AGAP1: variants seen among roughly 807,000 people sequenced by gnomAD.
AGAP1 encodes arf-GAP with GTPase, ANK repeat and PH domain-containing protein 1.
A neutral mutation model predicts 105.3 loss-of-function variants in AGAP1; 29 were observed. That is an observed-to-expected ratio of 0.28 (90% confidence interval 0.21 to 0.38). The LOEUF (loss-of-function observed/expected upper bound fraction) is 0.38, where lower values mean the gene tolerates loss of function less well. Ranked by LOEUF, AGAP1 falls within the 10% of genes least tolerant of loss-of-function variation. The probability of loss-of-function intolerance (pLI) is 1.00; values close to 1 mark genes in which losing one functional copy is unlikely to be tolerated. For synonymous variants in AGAP1, 509 were observed against 485.9 expected (o/e 1.05, Z -0.63); for missense variants, 998 against 1,165.1 (o/e 0.86, Z 2.09).
chr2:235,567,714 G>T (rs1391184483), intron 1 of AGAP1, among the ~76,000 whole-genome samples: 1 of 150,380 alleles, frequency 6.6e-6, no homozygotes, highest in African/African-American at 2.5e-5. Flanking sequence ...GCATCTGATG[G>T]TGGTGGCCAG....
At chr2:235,627,032 C>A (rs1056283690) in intron 1 of AGAP1, among the ~76,000 whole-genome samples, 7 of 152,044 alleles carry the variant, frequency 4.6e-5, no homozygotes, top group Non-Finnish European at 8.8e-5. Flanking sequence ...AAGTTTGAAA[C>A]CCAACTGTCT....
chr2:235,583,922 C>CTT (rs1945017361), intron 1 of AGAP1, among the ~76,000 whole-genome samples: 1 of 149,926 alleles, frequency 6.7e-6, no homozygotes, highest in African/African-American at 2.4e-5. Context: ...CCAGGCTGGT[C>CTT]TTTGAACTCC....
intron 9 of AGAP1, among the ~76,000 whole-genome samples, chr2:235,833,547 C>T (rs1959719652): frequency 6.6e-6 from 1 of 151,546 alleles, no homozygotes; most frequent in South Asian, 2.1e-4. Flanking sequence ...ACCCCGCCCC[C>T]TCCTCAGAGT....
Position 235,936,098 on chromosome 2 carries a change from C to A in AGAP1, c.1483+5175C>A, listed in dbSNP as rs2052974985. Among the ~76,000 whole-genome samples, 1 of 152,230 alleles carries A rather than the reference C, an allele frequency of 6.6e-6. No individual in the cohort carries two copies. The highest frequency in any genetic ancestry group is 1.5e-5 in the Non-Finnish European group (1 of 68,046). On this transcript the variant is annotated intron_variant, in intron 12 of 17. Coordinates refer to ENST00000304032, the MANE Select transcript of AGAP1 (RefSeq NM_001037131.3). This position sits in a 1 kb window ranked among gnomAD's most constrained non-coding sequence, Gnocchi z 4.7. Reference sequence around the variant, plus strand: ...TCAGGTTCTTCTGATAGCTCCACCCCATCCCCGATTGCTTCAGTCCAACAG... The same window carrying A: ...TCAGGTTCTTCTGATAGCTCCACCCAATCCCCGATTGCTTCAGTCCAACAG...
chr2:236,130,833 G>A lies in AGAP1; in HGVS notation c.*6711G>A, dbSNP rs1361394492. 1.3e-5 allele frequency: 2 copies of A among 152,340 alleles called. No homozygotes were observed. The highest frequency in any genetic ancestry group is 2.9e-5 in the Non-Finnish European group (2 of 68,198). 9.4% of individuals were successfully genotyped at this position (152,340 alleles called of 1,614,324 possible). On this transcript the variant is annotated 3_prime_UTR_variant, in exon 18 of 18. Coordinates refer to ENST00000304032, the MANE Select transcript of AGAP1 (RefSeq NM_001037131.3). This position sits in a 1 kb window ranked among gnomAD's most constrained non-coding sequence, Gnocchi z 5.8. ...AACAGAGAAGGCTCCAAGGGTGTTG[G>A]GAGTGAGCCAGGGGCTGGTCTGGGG...
Position 235,927,477 on chromosome 2 carries a change from T to G in AGAP1, c.1325-3288T>G, listed in dbSNP as rs1417436804. 6.6e-6 allele frequency among the ~76,000 whole-genome samples: 1 copy of G among 152,212 alleles called. No homozygotes were observed. The highest frequency in any genetic ancestry group is 1.5e-5 in the Non-Finnish European group (1 of 68,028). ...TTCACAGCAGAGTCCTGTTGTTTCCTAGTGTGTAGGCTTGAAGGAATCTCT... is the reference window on the plus strand; with the variant it reads ...TTCACAGCAGAGTCCTGTTGTTTCCGAGTGTGTAGGCTTGAAGGAATCTCT... On this transcript the variant is annotated intron_variant, in intron 11 of 17. Transcript: ENST00000304032. This position sits in a 1 kb window ranked among gnomAD's most constrained non-coding sequence, Gnocchi z 4.4.
chr2:235,938,705 C>T (rs1375808702), intron 12 of AGAP1, among the ~76,000 whole-genome samples: 1 of 152,038 alleles, frequency 6.6e-6, no homozygotes. Flanking sequence ...CACTGGGCTC[C>T]GAGGATCCTT....
chr2:235,694,434 G>A (rs945454236), intron 1 of AGAP1, among the ~76,000 whole-genome samples: 1 of 148,232 alleles, frequency 6.7e-6, no homozygotes, highest in Non-Finnish European at 1.5e-5. Context: ...AGCCGAGATC[G>A]CACCACTGCA....
chr2:235,702,934 G>GTTGTTTTTTTTTTTTTTTTTTTT (rs1950325980), intron 1 of AGAP1, among the ~76,000 whole-genome samples: 1 of 88,946 alleles, frequency 1.1e-5, no homozygotes, highest in Non-Finnish European at 2.2e-5. Context: ...AGTTTTCTTG[G>GTTGTTTTTTTTTTTTTTTTTTTT]TTTTTTTTTT....
chr2:235,807,166 T>G, intron 8 of AGAP1, 73 bp from the exon 9 acceptor site: 1 of 1,475,254 alleles, frequency 6.8e-7, no homozygotes, highest in East Asian at 2.3e-5. Flanking sequence ...GCAGGAATTC[T>G]GCAAACAGGG....
intron 1 of AGAP1, among the ~76,000 whole-genome samples, chr2:235,683,104 C>T (rs869044569): frequency 9.9e-5 from 15 of 152,168 alleles, no homozygotes; most frequent in African/African-American, 1.9e-4. Context: ...GCCAGGAGTT[C>T]GAGACCACCT....
chr2:235,625,662 T>C lies in AGAP1; in HGVS notation c.164-83517T>C, dbSNP rs768732331. Among the ~76,000 whole-genome samples the C allele has an allele frequency of 1.3e-5, 2 of 152,232 alleles. No homozygotes were observed. Among genetic ancestry groups the C allele is most frequent in the Non-Finnish European group, 2.9e-5 (2 of 68,042 alleles). ...GTTTCAGGGATCTTTGTGCAACTTT[T>C]CTAAATACAGAGTTGGTTGTGACAT... is the stretch of plus-strand genomic sequence containing the variant. On this transcript the variant is annotated intron_variant, in intron 1 of 17. Transcript: ENST00000304032. This position sits in a 1 kb window ranked among gnomAD's most constrained non-coding sequence, Gnocchi z 4.0.
chr2:236,074,157 G>A (rs186277218), intron 16 of AGAP1, among the ~76,000 whole-genome samples: 3 of 152,158 alleles, frequency 2.0e-5, no homozygotes, highest in African/African-American at 7.2e-5. Flanking sequence ...AGCTTGACGC[G>A]GTAGGGGCCC....
intron 16 of AGAP1, among the ~76,000 whole-genome samples, chr2:236,057,502 C>A (rs939294098): frequency 6.6e-6 from 1 of 152,152 alleles, no homozygotes; most frequent in Non-Finnish European, 1.5e-5. Flanking sequence ...GAAAACAGCA[C>A]TGAGAACTGT....
In AGAP1 at chr2:235,872,957, G is replaced by A. The variant is rs1306606696; in HGVS notation, c.1051-10388G>A. On this transcript the variant is annotated intron_variant, in intron 9 of 17. Coordinates refer to ENST00000304032, the MANE Select transcript of AGAP1 (RefSeq NM_001037131.3). The surrounding 1 kb of genome is among the most constrained non-coding windows in gnomAD (Gnocchi z 4.5). ...TGTGGTGGCTCCACGGTCCCTGAAA[G>A]TCCCCACTGGCTCAGTGCAGCTCTG... Among the ~76,000 whole-genome samples, 1 of 152,188 alleles carries A rather than the reference G, an allele frequency of 6.6e-6. No homozygotes were observed. Among genetic ancestry groups the A allele is most frequent in the Non-Finnish European group, 1.5e-5 (1 of 68,048 alleles).
In AGAP1 at chr2:235,964,761, T is replaced by C. The variant is rs77033161; in HGVS notation, c.1484-3701T>C. Among the ~76,000 whole-genome samples, 131 of 152,228 alleles carry C rather than the reference T, an allele frequency of 8.6e-4. 2 individuals are homozygous for C. In the East Asian group the frequency reaches 0.023, roughly 27 times the overall value. ...TATAAGAACCACTACTTTAGAAATA[T>C]CAGTATTGTAAAATCATGGGACAGC... On this transcript the variant is annotated intron_variant, in intron 12 of 17. Transcript: ENST00000304032. This position sits in a 1 kb window ranked among gnomAD's most constrained non-coding sequence, Gnocchi z 4.6.
intron 1 of AGAP1, among the ~76,000 whole-genome samples, chr2:235,527,031 G>T (rs1271963761): frequency 6.6e-6 from 1 of 152,160 alleles, no homozygotes; most frequent in Non-Finnish European, 1.5e-5. Flanking sequence ...GGAGTCTTCT[G>T]CAAAACTGTA....
intron 11 of AGAP1, among the ~76,000 whole-genome samples, chr2:235,911,577 T>G (rs2051617931): frequency 6.6e-6 from 1 of 152,226 alleles, no homozygotes; most frequent in Admixed American, 6.5e-5. Context: ...AACACTAATG[T>G]GTGATTTTAA....
At chr2:235,929,414 C>G (rs1021207269) in intron 11 of AGAP1, among the ~76,000 whole-genome samples, 8 of 152,130 alleles carry the variant, frequency 5.3e-5, no homozygotes, top group African/African-American at 1.9e-4. Context: ...GGGCTTTTTT[C>G]TGGAATCAAG....
Sources: allele counts gnomAD v4.1 joint callset (sites outside exome capture counted in the v4.1 genomes callset), GRCh38; gene constraint gnomAD v4.1.1; non-coding constraint Gnocchi (gnomAD v3.1); transcripts MANE v1.5; gene names NCBI Gene and HGNC (gene_info 2026-07-23, HGNC 2026-07-21).